ZNF385B: variants seen among roughly 807,000 people sequenced by gnomAD.
The protein encoded by ZNF385B is zinc finger protein 533.
Under a neutral mutation model 39.2 loss-of-function variants are expected in ZNF385B, and 23 were observed. The observed-to-expected ratio is 0.59, with a 90% CI of 0.42 to 0.83. The LOEUF is 0.83. Ranked by LOEUF, ZNF385B falls within the 40% of genes least tolerant of loss-of-function variation. ZNF385B has a pLI of 0.00. For synonymous variants in ZNF385B, 205 were observed against 222.6 expected, an observed-to-expected ratio of 0.92 and a Z score of 0.70; for missense variants, 552 against 598.9, an observed-to-expected ratio of 0.92 and a Z score of 0.82.
At chr2:179,528,536 A>G (rs2059064204) in intron 4 of ZNF385B, among the ~76,000 whole-genome samples, 1 of 152,232 alleles carries the variant, frequency 6.6e-6, no homozygotes, top group Non-Finnish European at 1.5e-5. Context: ...TTCATCTTTT[A>G]TACTTTTAGA....
intron 3 of ZNF385B, among the ~76,000 whole-genome samples, chr2:179,634,134 A>C (rs1398633134): frequency 6.6e-6 from 1 of 152,236 alleles, no homozygotes; most frequent in Non-Finnish European, 1.5e-5. Context: ...AATACCATTC[A>C]GGACACAGGC....
chr2:179,556,823 A>T (rs1472429230), intron 3 of ZNF385B, among the ~76,000 whole-genome samples: 1 of 149,168 alleles, frequency 6.7e-6, no homozygotes, highest in Non-Finnish European at 1.5e-5. Flanking sequence ...GGGGAGACTA[A>T]CACAGACTCT....
At chr2:179,532,928 T>C (rs1189671724) in intron 4 of ZNF385B, among the ~76,000 whole-genome samples, 1 of 152,144 alleles carries the variant, frequency 6.6e-6, no homozygotes, top group Non-Finnish European at 1.5e-5. Context: ...ATTTCAGTGA[T>C]ATGAGAGCTG....
intron 3 of ZNF385B, among the ~76,000 whole-genome samples, chr2:179,586,624 G>A (rs1370744516): frequency 6.6e-6 from 1 of 152,194 alleles, no homozygotes; most frequent in African/African-American, 2.4e-5. Context: ...CCAGGGCCCA[G>A]CTCTGTAGGT....
intron 1 of ZNF385B, among the ~76,000 whole-genome samples, chr2:179,836,827 C>G (rs1212879457): frequency 6.6e-6 from 1 of 152,164 alleles, no homozygotes; most frequent in African/African-American, 2.4e-5. Context: ...CTTGTGTTTT[C>G]TAATGAAACA....
At chr2:179,718,449 TACTTTATGATCAAAG>T (rs1700470069) in intron 3 of ZNF385B, among the ~76,000 whole-genome samples, 2 of 148,032 alleles carry the variant, frequency 1.4e-5, no homozygotes, top group South Asian at 4.2e-4. Flanking sequence ...GCATATTCCT[TACTTTATGATCAAAG>T]ACATATAATC....
At chr2:179,695,987 C>G (rs76130239) in intron 3 of ZNF385B, among the ~76,000 whole-genome samples, 2 of 152,126 alleles carry the variant, frequency 1.3e-5, no homozygotes, top group Non-Finnish European at 2.9e-5. Flanking sequence ...AAAAGCCTTA[C>G]GCTAAATGAA....
At chr2:179,730,400 C>A (rs1214126513) in intron 3 of ZNF385B, among the ~76,000 whole-genome samples, 3 of 152,174 alleles carry the variant, frequency 2.0e-5, no homozygotes, top group South Asian at 4.1e-4. Context: ...AGGAACATTT[C>A]AATATATACC....
intron 1 of ZNF385B, among the ~76,000 whole-genome samples, chr2:179,801,378 C>G (rs1328638009): frequency 6.6e-6 from 1 of 152,036 alleles, no homozygotes; most frequent in Non-Finnish European, 1.5e-5. Context: ...GTAACTTCCC[C>G]TTACCTAGAT....
At chr2:179,519,259 T>C (rs1234383346) in intron 4 of ZNF385B, among the ~76,000 whole-genome samples, 2 of 152,216 alleles carry the variant, frequency 1.3e-5, no homozygotes, top group East Asian at 3.8e-4. Context: ...TGATTTATGG[T>C]AAAGTCATAA....
rs3085981 is a variant in ZNF385B, at chr2:179,817,665, CTGTGTG to C, written c.-155+43430_-155+43435del. Among the ~76,000 whole-genome samples, 11 of 149,646 alleles carry C rather than the reference CTGTGTG, an allele frequency of 7.4e-5. No homozygotes were observed. In the East Asian group the frequency reaches 1.4e-3, roughly 19 times the overall value. The stretch of plus-strand genomic sequence containing the variant: ...CATCACTGTCTGTGTGTGTAACCCT[CTGTGTG>C]TGTGTGTGTGTGTGTGTGTCAATCT... On this transcript the variant is annotated intron_variant, in intron 1 of 9. Transcript: ENST00000410066.
chr2:179,652,081 ACT>A (rs1233271426), intron 3 of ZNF385B, among the ~76,000 whole-genome samples: 10 of 152,022 alleles, frequency 6.6e-5, no homozygotes, highest in Admixed American at 3.3e-4. Flanking sequence ...GGATCAGCAA[ACT>A]CTTGTCTAGA....
chr2:179,821,462 G>A (rs750549172), intron 1 of ZNF385B, among the ~76,000 whole-genome samples: 68 of 152,078 alleles, frequency 4.5e-4, no homozygotes, highest in Non-Finnish European at 2.4e-4. Flanking sequence ...TGAGAGTTCC[G>A]TTCTTTTACA....
rs115962365 is a variant in ZNF385B, at chr2:179,684,848, G to A, written c.298+84655C>T. Among the ~76,000 whole-genome samples the A allele has an allele frequency of 5.2e-3, 796 of 152,270 alleles. 5 individuals are homozygous for A. The highest frequency in any genetic ancestry group is 0.018 in the African/African-American group (756 of 41,534). On this transcript the variant is annotated intron_variant, in intron 3 of 9. Transcript: ENST00000410066. ...TAGGAAACATACATGAACACTGAAT[G>A]CAAGTTTACTTTCTGAGCTAAAATT...
intron 3 of ZNF385B, among the ~76,000 whole-genome samples, chr2:179,643,659 A>G (rs1326893437): frequency 6.6e-6 from 1 of 152,180 alleles, no homozygotes; most frequent in Non-Finnish European, 1.5e-5. Flanking sequence ...ATTCTGGAAA[A>G]GGTAAAACTA....
At chr2:179,767,914 A>T (rs1703798590) in intron 3 of ZNF385B, among the ~76,000 whole-genome samples, 1 of 148,312 alleles carries the variant, frequency 6.7e-6, no homozygotes, top group South Asian at 2.1e-4. Context: ...AAATATATAT[A>T]TAATATTATT....
chr2:179,586,834 C>T (rs547191462), intron 3 of ZNF385B, among the ~76,000 whole-genome samples: 2 of 152,092 alleles, frequency 1.3e-5, no homozygotes, highest in East Asian at 1.9e-4. Flanking sequence ...GTCAGGAGTT[C>T]GAGACCAGCC....
intron 3 of ZNF385B, among the ~76,000 whole-genome samples, chr2:179,707,533 C>T (rs976702634): frequency 1.3e-5 from 2 of 152,210 alleles, no homozygotes; most frequent in African/African-American, 4.8e-5. Context: ...CTATGCTGGG[C>T]ATTACCAAGC....
intron 3 of ZNF385B, among the ~76,000 whole-genome samples, chr2:179,642,923 A>G (rs1485006072): frequency 2.6e-5 from 4 of 152,128 alleles, no homozygotes; most frequent in Non-Finnish European, 5.9e-5. Flanking sequence ...GCTGTGTATC[A>G]TGCGGAAGTA....
Sources: allele counts gnomAD v4.1 joint callset (sites outside exome capture counted in the v4.1 genomes callset), GRCh38; gene constraint gnomAD v4.1.1; transcripts MANE v1.5; gene names NCBI Gene and HGNC (gene_info 2026-07-23, HGNC 2026-07-21).